Variants in PCGF3 observed in about 807,000 individuals in gnomAD.
PCGF3 encodes polycomb group ring finger 3, also known as polycomb group RING finger protein 3.
A neutral mutation model predicts 33.1 loss-of-function variants in PCGF3; 7 were observed. That is an observed-to-expected ratio of 0.21 (90% CI 0.12 to 0.40). The LOEUF (loss-of-function observed/expected upper bound fraction) is 0.40, where lower values mean the gene tolerates loss of function less well. Among genes scored for constraint, PCGF3 ranks in the 10% least tolerant of loss-of-function variants. The pLI is 1.00. For synonymous variants in PCGF3, 153 were observed against 121.3 expected (o/e 1.26, Z -1.72); for missense variants, 211 against 313.3 (o/e 0.67, Z 2.46).
intron 6 of PCGF3, among the ~76,000 whole-genome samples, chr4:739,210 CTTTATTTATTTT>C (rs1409262309): frequency 6.6e-6 from 1 of 151,898 alleles, no homozygotes; most frequent in African/African-American, 2.4e-5. Flanking sequence ...TTGTTTATTT[CTTTATTTATTTT>C]GAGACCTGGT....
At chr4:731,193 C>G (rs908868443) in intron 3 of PCGF3, 83 bp downstream of exon 3, 17 of 398,330 alleles carry the variant, frequency 4.3e-5, no homozygotes, top group African/African-American at 3.5e-4. Flanking sequence ...GGCCGGCGAT[C>G]ATTAGGAGCC....
intron 3 of PCGF3, among the ~76,000 whole-genome samples, chr4:732,943 G>C (rs1209002318): frequency 6.6e-6 from 1 of 152,196 alleles, no homozygotes; most frequent in African/African-American, 2.4e-5. Context: ...CCTCCCCGAA[G>C]GCGCAGGTCT....
At chr4:766,404 A>C in exon 11 of PCGF3, 1 of 241,056 alleles carries the variant, frequency 4.1e-6, no homozygotes, top group Non-Finnish European at 8.0e-6. Context: ...CTTGCTTTCC[A>C]GGTCTTGAAA....
chr4:767,718 T>C (rs541300276), exon 11 of PCGF3: 1 of 152,538 alleles, frequency 6.6e-6, no homozygotes, highest in African/African-American at 2.4e-5. Flanking sequence ...TGGTCAAAAT[T>C]CATCTCTTTC....
chr4:712,276 T>A (rs937837831), intron 1 of PCGF3, among the ~76,000 whole-genome samples: 3 of 152,192 alleles, frequency 2.0e-5, no homozygotes, highest in Non-Finnish European at 2.9e-5. Context: ...AGAACAATAG[T>A]GAATGTTGCC....
At chr4:758,441 C>T (rs868487231) in intron 8 of PCGF3, among the ~76,000 whole-genome samples, 3 of 130,900 alleles carry the variant, frequency 2.3e-5, no homozygotes, top group Non-Finnish European at 3.3e-5. Flanking sequence ...CTCCCGAGTT[C>T]TTCTCCTTCC....
intron 1 of PCGF3, among the ~76,000 whole-genome samples, chr4:716,260 G>A (rs1357335938): frequency 3.8e-5 from 5 of 132,272 alleles, no homozygotes; most frequent in Non-Finnish European, 6.6e-5. Context: ...AGAACTGGGC[G>A]TCGGTGCTGG....
exon 11 of PCGF3, chr4:769,968 T>G (rs1745555658): frequency 6.5e-6 from 1 of 152,698 alleles, no homozygotes; most frequent in South Asian, 2.1e-4. Context: ...TGGTGGCTAG[T>G]TTTTGTCAAA....
intron 1 of PCGF3, among the ~76,000 whole-genome samples, chr4:722,797 T>C (rs1458799118): frequency 4.0e-5 from 2 of 50,478 alleles, no homozygotes; most frequent in Non-Finnish European, 3.5e-5. Flanking sequence ...GTCATCGCCA[T>C]CCACGCCGGG....
At chr4:719,443 C>T (rs1742987044) in intron 1 of PCGF3, among the ~76,000 whole-genome samples, 1 of 152,248 alleles carries the variant, frequency 6.6e-6, no homozygotes, top group Non-Finnish European at 1.5e-5. Context: ...AGGCGCAGCT[C>T]AGGAACATGG....
At chr4:752,451 G>A (rs1369207094) in intron 8 of PCGF3, among the ~76,000 whole-genome samples, 1 of 152,226 alleles carries the variant, frequency 6.6e-6, no homozygotes. Flanking sequence ...CAGCCGGCGG[G>A]TTTCATGGAT....
At chr4:769,346 C>G (rs1560225994) in exon 11 of PCGF3, 2 of 152,714 alleles carry the variant, frequency 1.3e-5, no homozygotes, top group Non-Finnish European at 2.9e-5. Flanking sequence ...ACAAGCCAAC[C>G]TAGTCCCACG....
chr4:725,834 C>T (rs1361711369), intron 1 of PCGF3, among the ~76,000 whole-genome samples: 1 of 152,192 alleles, frequency 6.6e-6, no homozygotes, highest in Non-Finnish European at 1.5e-5. Flanking sequence ...CCGGGTCCCC[C>T]AGCAGGTGAC....
intron 1 of PCGF3, among the ~76,000 whole-genome samples, chr4:717,491 C>T (rs889802075): frequency 3.3e-5 from 5 of 152,140 alleles, no homozygotes; most frequent in South Asian, 2.1e-4. Flanking sequence ...GGGATTCTCC[C>T]GTCTCAGCCT....
At chr4:738,962 G>A (rs1363313783) in intron 6 of PCGF3, among the ~76,000 whole-genome samples, 2 of 152,176 alleles carry the variant, frequency 1.3e-5, no homozygotes, top group South Asian at 2.1e-4. Context: ...ACCACCCCCC[G>A]CCAGCAGTTT....
At chr4:708,062 G>A (rs571892466) in intron 1 of PCGF3, among the ~76,000 whole-genome samples, 1 of 146,332 alleles carries the variant, frequency 6.8e-6, no homozygotes, top group African/African-American at 2.7e-5. Flanking sequence ...CCTGGGGGCC[G>A]GGACCCTGGG....
At chr4:707,041 T>C (rs939137431) in intron 1 of PCGF3, among the ~76,000 whole-genome samples, 7 of 150,056 alleles carry the variant, frequency 4.7e-5, no homozygotes, top group Admixed American at 2.0e-4. Flanking sequence ...GGCTGGGTCT[T>C]CAGACCAGGC....
At chr4:730,730 G>A (rs1560203193) in intron 2 of PCGF3, 62 bp downstream of exon 2, 2 of 311,640 alleles carry the variant, frequency 6.4e-6, no homozygotes, top group Non-Finnish European at 1.2e-5. Context: ...GGACTCCGCC[G>A]GGACCACGCT....
chr4:762,050 G>A, intron 9 of PCGF3: 3 of 985,382 alleles, frequency 3.0e-6, no homozygotes, highest in Non-Finnish European at 3.6e-6. Context: ...ACTGTGGTGG[G>A]GGCGGTCAGG....
Sources: allele counts gnomAD v4.1 joint callset (sites outside exome capture counted in the v4.1 genomes callset), GRCh38; gene constraint gnomAD v4.1.1; transcripts MANE v1.5; gene names NCBI Gene and HGNC (gene_info 2026-07-23, HGNC 2026-07-21).